MARCHF1: variants seen among roughly 807,000 people sequenced by gnomAD.
MARCHF1 encodes E3 ubiquitin-protein ligase MARCHF1.
MARCHF1 carries 40 observed loss-of-function variants against 54.2 expected under a neutral mutation model. The observed-to-expected ratio is 0.74, with a 90% confidence interval of 0.57 to 0.96. The LOEUF is 0.96. MARCHF1 is among the 40% of genes least tolerant of loss of function. The pLI is 0.00. For synonymous variants in MARCHF1, 236 were observed against 236.3 expected (o/e 1.00, Z 0.01); for missense variants, 586 against 656.5 (o/e 0.89, Z 1.17).
chr4:163,672,760 G>A (rs1302091115), intron 5 of MARCHF1, among the ~76,000 whole-genome samples: 1 of 152,098 alleles, frequency 6.6e-6, no homozygotes, highest in South Asian at 2.1e-4. Context: ...AAAACAAAGG[G>A]GTGGGCAGGG....
chr4:163,950,050 A>G (rs1752103535), intron 3 of MARCHF1, among the ~76,000 whole-genome samples: 1 of 152,168 alleles, frequency 6.6e-6, no homozygotes, highest in Non-Finnish European at 1.5e-5. Flanking sequence ...GGGCCCAGGA[A>G]AAGCACCATA....
intron 3 of MARCHF1, among the ~76,000 whole-genome samples, chr4:163,877,036 A>G (rs17474564): frequency 0.19 from 29,030 of 150,794 alleles, 3,086 homozygotes; most frequent in South Asian, 0.32. Context: ...AAATTTTAGA[A>G]AGTAGAAAGT....
intron 2 of MARCHF1, among the ~76,000 whole-genome samples, chr4:164,037,827 C>T (rs1754042071): frequency 6.6e-6 from 1 of 152,150 alleles, no homozygotes; most frequent in Non-Finnish European, 1.5e-5. Flanking sequence ...ATAGTTGCAA[C>T]AGCTTAATGA....
intron 5 of MARCHF1, among the ~76,000 whole-genome samples, chr4:163,678,073 C>A (rs1743976052): frequency 1.3e-5 from 2 of 152,216 alleles, no homozygotes; most frequent in South Asian, 4.1e-4. Flanking sequence ...TCCTTCTTAG[C>A]TCAATTGCCC....
At chr4:164,197,172 C>T (rs1019053461) in intron 1 of MARCHF1, 5 of 1,607,996 alleles carry the variant, frequency 3.1e-6, no homozygotes, top group Non-Finnish European at 4.3e-6. Context: ...CTTCCACTAC[C>T]TGAGCATCTT....
intron 4 of MARCHF1, among the ~76,000 whole-genome samples, chr4:163,826,440 G>T (rs1009570464): frequency 6.6e-6 from 1 of 152,002 alleles, no homozygotes; most frequent in African/African-American, 2.4e-5. Context: ...TGGATAAAGT[G>T]ACTTACAAAA....
At chr4:163,772,769 C>CTTTTAAAATCAATTGTCCCTTACTA (rs57632144) in intron 4 of MARCHF1, among the ~76,000 whole-genome samples, 119,505 of 152,052 alleles carry the variant, frequency 0.79, 48,402 homozygotes, top group South Asian at 0.9. Flanking sequence ...ACCCCCCTTT[C>CTTTTAAAATCAATTGTCCCTTACTA]TCATCTCAGC....
At chr4:164,134,550 C>A (rs1756363069) in intron 1 of MARCHF1, among the ~76,000 whole-genome samples, 1 of 151,994 alleles carries the variant, frequency 6.6e-6, no homozygotes, top group African/African-American at 2.4e-5. Flanking sequence ...AATTTGAAAC[C>A]AAGGGCATTT....
intron 3 of MARCHF1, among the ~76,000 whole-genome samples, chr4:163,867,475 T>G (rs1367135840): frequency 1.3e-5 from 2 of 151,688 alleles, no homozygotes; most frequent in African/African-American, 4.8e-5. Flanking sequence ...TAGAATTTAC[T>G]TATTTTAATA....
intron 1 of MARCHF1, among the ~76,000 whole-genome samples, chr4:164,163,043 T>C (rs1730281062): frequency 6.6e-6 from 1 of 152,038 alleles, no homozygotes; most frequent in African/African-American, 2.4e-5. Flanking sequence ...ATATCATACA[T>C]GAAGAAGACA....
At chr4:163,796,383 T>C (rs747606655) in intron 4 of MARCHF1, among the ~76,000 whole-genome samples, 2 of 152,000 alleles carry the variant, frequency 1.3e-5, no homozygotes, top group Non-Finnish European at 2.9e-5. Context: ...TATGCCACCA[T>C]GCTCGGCTAA....
At chr4:163,718,189 C>G (rs1211158091) in intron 4 of MARCHF1, among the ~76,000 whole-genome samples, 2 of 152,148 alleles carry the variant, frequency 1.3e-5, no homozygotes, top group Non-Finnish European at 2.9e-5. Flanking sequence ...AGACCTAAAA[C>G]CATAAAAACC....
Position 164,035,573 on chromosome 4 carries a change from C to G in MARCHF1, c.-247-46864G>C, listed in dbSNP as rs1192728140. Among the ~76,000 whole-genome samples the G allele has an allele frequency of 2.0e-5, 3 of 148,958 alleles. No homozygotes were observed. In the East Asian group the frequency reaches 5.9e-4, roughly 29 times the overall value. The stretch of plus-strand genomic sequence containing the variant: ...CATTGATTAGAAACTCATGCTTAAA[C>G]CTTTTAGGGAAGAAAATATTTGTAT... On this transcript the variant is annotated intron_variant, in intron 2 of 9. Coordinates refer to ENST00000514618, the MANE Select transcript of MARCHF1 (RefSeq NM_001394959.1).
At chr4:164,369,794 T>C (rs1730984341) in intron 1 of MARCHF1, among the ~76,000 whole-genome samples, 1 of 152,132 alleles carries the variant, frequency 6.6e-6, no homozygotes, top group Admixed American at 6.5e-5. Flanking sequence ...CTAAATATTA[T>C]ACACACACAA....
chr4:163,549,656 C>T (rs1045480667), intron 8 of MARCHF1, among the ~76,000 whole-genome samples: 2 of 149,460 alleles, frequency 1.3e-5, no homozygotes, highest in Non-Finnish European at 3.0e-5. Context: ...GCCTTTGGTG[C>T]CTGTTTTACT....
chr4:164,151,949 G>A (rs772314138), intron 1 of MARCHF1, among the ~76,000 whole-genome samples: 3 of 151,920 alleles, frequency 2.0e-5, no homozygotes, highest in Non-Finnish European at 2.9e-5. Context: ...TCTTGGTTGG[G>A]CAGCTGTTGT....
chr4:164,376,021 T>C (rs1731180929), intron 1 of MARCHF1, among the ~76,000 whole-genome samples: 1 of 152,186 alleles, frequency 6.6e-6, no homozygotes, highest in Non-Finnish European at 1.5e-5. Context: ...TTTGCGTATG[T>C]GCACTGGCTT....
intron 1 of MARCHF1, among the ~76,000 whole-genome samples, chr4:164,298,489 G>A (rs185786741): frequency 6.6e-5 from 10 of 152,094 alleles, no homozygotes; most frequent in South Asian, 2.1e-4. Context: ...AGCCCAGAAC[G>A]TGGACAATTC....
intron 1 of MARCHF1, among the ~76,000 whole-genome samples, chr4:164,285,704 G>T (rs951997446): frequency 6.7e-6 from 1 of 150,336 alleles, no homozygotes; most frequent in Non-Finnish European, 1.5e-5. Context: ...CTCGTAATCC[G>T]CCCGCCTCAG....
Sources: gnomAD v4.1 joint callset for allele counts (sites outside exome capture counted in the v4.1 genomes callset) on GRCh38, gnomAD v4.1.1 for gene constraint, MANE v1.5 for transcripts, NCBI Gene and HGNC (gene_info 2026-07-23, HGNC 2026-07-21) for gene names.